The following PAN3 variants were observed in gnomAD, a reference collection of about 807,000 sequenced individuals.
The protein encoded by PAN3 is PAN2-PAN3 deadenylation complex subunit PAN3.
In PAN3, 19 loss-of-function variants were observed where a neutral mutation model predicts 96.2. The observed-to-expected ratio is 0.20, with a 90% CI of 0.14 to 0.29. The LOEUF is 0.29. PAN3 is among the 10% of genes least tolerant of loss of function. The probability of loss-of-function intolerance (pLI) is 1.00; values close to 1 mark genes in which losing one functional copy is unlikely to be tolerated. For missense variants in PAN3, 882 were observed against 1,108.1 expected, an observed-to-expected ratio of 0.80 and a Z score of 2.90; for synonymous variants, 433 against 406.6, an observed-to-expected ratio of 1.06 and a Z score of -0.78.
At chr13:28,140,774 A>G (rs2137901191) in intron 1 of PAN3, among the ~76,000 whole-genome samples, 1 of 152,202 alleles carries the variant, frequency 6.6e-6, no homozygotes, top group South Asian at 2.1e-4. Flanking sequence ...CTTGACTTTA[A>G]TGAAGATATA....
chr13:28,166,273 A>G (rs1006763389), intron 1 of PAN3, among the ~76,000 whole-genome samples: 3 of 152,206 alleles, frequency 2.0e-5, no homozygotes, highest in Admixed American at 2.0e-4. Flanking sequence ...TTCCATTCAG[A>G]AAGGGAGAAA....
rs1339606755 is a variant in PAN3 at position 28,264,326 on chromosome 13, G to T, written c.1412-2389G>T. 1.3e-5 allele frequency among the ~76,000 whole-genome samples: 2 copies of T among 152,164 alleles called. 1 individual carries two copies. The highest frequency in any genetic ancestry group is 2.9e-5 in the Non-Finnish European group (2 of 68,024). ...GGCCAAGGTGAGTGGATCACTTGAG[G>T]TCAGAAGTTTGAGACCAGCCTGGCC... On this transcript the variant is annotated intron_variant, in intron 9 of 18. Coordinates refer to ENST00000380958, the MANE Select transcript of PAN3 (RefSeq NM_175854.8).
intron 1 of PAN3, among the ~76,000 whole-genome samples, chr13:28,165,283 CTTTT>C (rs35652829): frequency 2.3e-5 from 3 of 129,408 alleles, no homozygotes; most frequent in African/African-American, 5.9e-5. Flanking sequence ...CTTATATATC[CTTTT>C]TTTTTTTTTT....
At chr13:28,171,639 A>G (rs1874316872) in intron 1 of PAN3, among the ~76,000 whole-genome samples, 1 of 152,242 alleles carries the variant, frequency 6.6e-6, no homozygotes, top group Non-Finnish European at 1.5e-5. Flanking sequence ...AGTCAGATGA[A>G]AAGGTAGAAC....
intron 4 of PAN3, among the ~76,000 whole-genome samples, chr13:28,193,982 C>T (rs1181918949): frequency 4.0e-5 from 6 of 151,622 alleles, no homozygotes; most frequent in Admixed American, 3.9e-4. Context: ...AATGATGAAA[C>T]CCCGTCTCTA....
rs771044941 is a variant in PAN3, at chr13:28,174,452, A to G, written c.552+59A>G. ...AGTTTATTCTAGGGCCAGAGGACAT[A>G]TAGAGTCTTCATTTATTCCTACATT... is the stretch of plus-strand genomic sequence containing the variant. On this transcript the variant is annotated intron_variant, in intron 2 of 18. Transcript: ENST00000380958. The G allele has an allele frequency of 3.0e-5, 46 of 1,538,272 alleles. No homozygotes were observed. The African/African-American group carries it at 4.2e-4, about 14-fold the overall frequency.
At chr13:28,173,810 C>T (rs1275993631) in intron 1 of PAN3, among the ~76,000 whole-genome samples, 1 of 152,228 alleles carries the variant, frequency 6.6e-6, no homozygotes, top group Non-Finnish European at 1.5e-5. Context: ...CATCCTATTG[C>T]TACCTCTGCA....
intron 6 of PAN3, among the ~76,000 whole-genome samples, chr13:28,249,399 A>G (rs1465481900): frequency 6.6e-6 from 1 of 152,146 alleles, no homozygotes; most frequent in African/African-American, 2.4e-5. Context: ...TGCTTTAACT[A>G]AGTATGGAAT....
chr13:28,211,481 A>G (rs1014118184), intron 5 of PAN3, among the ~76,000 whole-genome samples: 35 of 152,182 alleles, frequency 2.3e-4, no homozygotes, highest in Admixed American at 2.0e-3. Context: ...TCTTTTTAGG[A>G]AAGAGATTGT....
intron 1 of PAN3, among the ~76,000 whole-genome samples, chr13:28,160,736 C>T (rs1208154453): frequency 6.6e-6 from 1 of 152,150 alleles, no homozygotes; most frequent in Non-Finnish European, 1.5e-5. Context: ...TTGAATGTTT[C>T]ACAGTAAATG....
chr13:28,187,749 A>ACGTATTTTT (rs1566169530), intron 4 of PAN3, among the ~76,000 whole-genome samples: 2 of 152,124 alleles, frequency 1.3e-5, no homozygotes, highest in Non-Finnish European at 1.5e-5. Flanking sequence ...TTTGAGGGGC[A>ACGTATTTTT]GTGTCTTGCC....
At chr13:28,165,929 T>G (rs551878226) in intron 1 of PAN3, among the ~76,000 whole-genome samples, 2 of 152,292 alleles carry the variant, frequency 1.3e-5, no homozygotes, top group South Asian at 2.1e-4. Flanking sequence ...AATCACCATC[T>G]AAAGGCCCCA....
intron 4 of PAN3, among the ~76,000 whole-genome samples, chr13:28,184,258 T>C (rs1249433895): frequency 6.7e-6 from 1 of 150,090 alleles, no homozygotes; most frequent in East Asian, 1.9e-4. Context: ...GATAATATGG[T>C]AAACCTAAAT....
At chr13:28,154,890 G>A (rs1871913549) in intron 1 of PAN3, among the ~76,000 whole-genome samples, 2 of 148,708 alleles carry the variant, frequency 1.3e-5, no homozygotes, top group Admixed American at 6.8e-5. Context: ...GCGCGATCTC[G>A]GCTCACTGCA....
intron 9 of PAN3, among the ~76,000 whole-genome samples, chr13:28,263,001 T>C (rs1885861300): frequency 6.6e-6 from 1 of 152,198 alleles, no homozygotes; most frequent in South Asian, 2.1e-4. Context: ...AACTGACATG[T>C]AGATCCAGTA....
At chr13:28,246,030 T>C (rs942259627) in intron 6 of PAN3, among the ~76,000 whole-genome samples, 1 of 152,202 alleles carries the variant, frequency 6.6e-6, no homozygotes, top group Non-Finnish European at 1.5e-5. Flanking sequence ...TCTTCGGTAA[T>C]ATGCCTAGTA....
At chr13:28,144,717 T>TC (rs34879522) in intron 1 of PAN3, among the ~76,000 whole-genome samples, 97,473 of 115,360 alleles carry the variant, frequency 0.84, 40,651 homozygotes, top group South Asian at 0.92. Flanking sequence ...CAAAACATCA[T>TC]CTTTTTTTTT....
intron 7 of PAN3, among the ~76,000 whole-genome samples, chr13:28,256,899 A>G (rs1192880694): frequency 6.6e-6 from 1 of 152,224 alleles, no homozygotes; most frequent in Non-Finnish European, 1.5e-5. Context: ...GAAGCTAGAA[A>G]AAGTAGATGG....
At chr13:28,168,384 A>C (rs1873857977) in intron 1 of PAN3, among the ~76,000 whole-genome samples, 1 of 152,186 alleles carries the variant, frequency 6.6e-6, no homozygotes, top group African/African-American at 2.4e-5. Flanking sequence ...GGGAAGTAAT[A>C]ATAAACCTTT....
Sources: allele counts gnomAD v4.1 joint callset (sites outside exome capture counted in the v4.1 genomes callset), GRCh38; gene constraint gnomAD v4.1.1; transcripts MANE v1.5; gene names NCBI Gene and HGNC (gene_info 2026-07-23, HGNC 2026-07-21).